The following NEK10 variants were observed in gnomAD, a reference collection of about 807,000 sequenced individuals.
The protein encoded by NEK10 is NIMA related kinase 10, also known as serine/threonine-protein kinase Nek10.
Under a neutral mutation model 159.8 loss-of-function variants are expected in NEK10, and 122 were observed. The observed-to-expected ratio is 0.76, with a 90% confidence interval of 0.66 to 0.89. The LOEUF (loss-of-function observed/expected upper bound fraction) is 0.89. NEK10 is among the 40% of genes least tolerant of loss of function. The pLI is 0.00. For missense variants in NEK10, 1,342 were observed against 1,323.1 expected, an observed-to-expected ratio of 1.01 and a Z score of -0.22; for synonymous variants, 466 against 457.1, an observed-to-expected ratio of 1.02 and a Z score of -0.25.
chr3:27,360,086 T>C (rs2048577294), intron 1 of NEK10, among the ~76,000 whole-genome samples: 1 of 152,218 alleles, frequency 6.6e-6, no homozygotes, highest in Non-Finnish European at 1.5e-5. Flanking sequence ...TAATACCCAT[T>C]ACAGTTTAAA....
chr3:27,156,406 A>C (rs1945423692), intron 30 of NEK10, among the ~76,000 whole-genome samples: 1 of 152,182 alleles, frequency 6.6e-6, no homozygotes, highest in Admixed American at 6.5e-5. Context: ...TATAAATGTG[A>C]CAAAGGACTA....
At chr3:27,207,192 T>C (rs182382612) in intron 23 of NEK10, among the ~76,000 whole-genome samples, 4 of 152,342 alleles carry the variant, frequency 2.6e-5, no homozygotes, top group Admixed American at 2.6e-4. Context: ...ACATTAGCAG[T>C]TAAATTTATC....
intron 29 of NEK10, among the ~76,000 whole-genome samples, chr3:27,171,279 C>A (rs1946958417): frequency 6.6e-6 from 1 of 152,174 alleles, no homozygotes; most frequent in South Asian, 2.1e-4. Context: ...ACATATTTCA[C>A]CATCCCTTGC....
At chr3:27,195,426 T>C (rs1949477664) in intron 25 of NEK10, among the ~76,000 whole-genome samples, 2 of 152,240 alleles carry the variant, frequency 1.3e-5, no homozygotes, top group Non-Finnish European at 2.9e-5. Flanking sequence ...CATGATTGAT[T>C]TCAGTTTTAA....
chr3:27,264,594 C>A (rs558158471), intron 22 of NEK10, among the ~76,000 whole-genome samples: 6 of 152,144 alleles, frequency 3.9e-5, no homozygotes, highest in African/African-American at 1.4e-4. Context: ...AAATAATTTT[C>A]AAATAAAAAT....
intron 15 of NEK10, among the ~76,000 whole-genome samples, chr3:27,295,327 A>T (rs2043281363): frequency 6.6e-6 from 1 of 152,230 alleles, no homozygotes; most frequent in African/African-American, 2.4e-5. Context: ...ATATTCTGAT[A>T]CATAAGGAAT....
intron 30 of NEK10, among the ~76,000 whole-genome samples, chr3:27,150,840 A>G (rs1210100477): frequency 6.6e-6 from 1 of 152,174 alleles, no homozygotes; most frequent in East Asian, 1.9e-4. Flanking sequence ...CCCAGAAAGG[A>G]TTCACTATTC....
intron 16 of NEK10, 23 bp from the exon 17 acceptor site, chr3:27,291,609 T>C (rs769655255): frequency 3.9e-6 from 5 of 1,294,154 alleles, no homozygotes; most frequent in Non-Finnish European, 5.6e-6. Flanking sequence ...TTACACACAC[T>C]TAAAGTAGAA....
At chr3:27,333,690 T>G (rs943723573) in intron 5 of NEK10, among the ~76,000 whole-genome samples, 2 of 148,790 alleles carry the variant, frequency 1.3e-5, no homozygotes, top group Non-Finnish European at 3.0e-5. Flanking sequence ...CATACCCAGG[T>G]AGGAGGCATG....
rs1400152393 is a variant in NEK10 at position 27,202,569 on chromosome 3, T to A, written c.2091-12A>T. 1.3e-6 allele frequency: 2 copies of A among 1,592,148 alleles called. No homozygotes were observed. The highest frequency in any genetic ancestry group is 1.7e-6 in the Non-Finnish European group (2 of 1,167,030). On this transcript the variant is annotated splice_polypyrimidine_tract_variant and intron_variant, in intron 23 of 35. Coordinates refer to ENST00000691995, the MANE Select transcript of NEK10 (RefSeq NM_001394966.1). Reference sequence around the variant, plus strand: ...TCAGTACCTCGGGGCTGAAGTAAAATAAGGACATTAATACATGCTAAGGAA... The same window carrying A: ...TCAGTACCTCGGGGCTGAAGTAAAAAAAGGACATTAATACATGCTAAGGAA...
chr3:27,252,478 T>A (rs1955767853), intron 23 of NEK10, among the ~76,000 whole-genome samples: 1 of 152,240 alleles, frequency 6.6e-6, no homozygotes, highest in Admixed American at 6.5e-5. Context: ...TAATATGTTA[T>A]TTCCACTAAT....
At chr3:27,230,874 A>G (rs1004920692) in intron 23 of NEK10, among the ~76,000 whole-genome samples, 10 of 152,016 alleles carry the variant, frequency 6.6e-5, no homozygotes, top group African/African-American at 2.4e-4. Context: ...TTATAAAACA[A>G]TTACTACCAG....
At chr3:27,312,752 G>C (rs1420180456) in intron 7 of NEK10, among the ~76,000 whole-genome samples, 1 of 152,024 alleles carries the variant, frequency 6.6e-6, no homozygotes, top group East Asian at 1.9e-4. Flanking sequence ...AAGTTAAAAT[G>C]GATAAGAAGA....
chr3:27,165,638 T>C (rs1946406260), intron 29 of NEK10, among the ~76,000 whole-genome samples: 1 of 152,192 alleles, frequency 6.6e-6, no homozygotes, highest in Non-Finnish European at 1.5e-5. Context: ...GAAAGAATTC[T>C]AAAAGGCCAT....
chr3:27,301,053 C>T (rs758706742), intron 13 of NEK10, among the ~76,000 whole-genome samples: 1 of 152,160 alleles, frequency 6.6e-6, no homozygotes, highest in Non-Finnish European at 1.5e-5. Context: ...CTCTCTGCTC[C>T]CTTTCTGTGG....
chr3:27,298,779 T>TC (rs1167718551), intron 13 of NEK10, among the ~76,000 whole-genome samples: 38 of 152,204 alleles, frequency 2.5e-4, no homozygotes, highest in Non-Finnish European at 2.6e-4. Context: ...CCAAGGTGAC[T>TC]CTTGCTATGT....
chr3:27,309,912 T>C (rs1177580412), intron 9 of NEK10: 1 of 152,146 alleles, frequency 6.6e-6, no homozygotes, highest in Non-Finnish European at 1.5e-5. Context: ...TAGCTGGAAG[T>C]CTGTAGCTTG....
At chr3:27,352,748 C>T in intron 2 of NEK10, 64 bp downstream of exon 2, 4 of 1,128,668 alleles carry the variant, frequency 3.5e-6, no homozygotes, top group Non-Finnish European at 5.4e-6. Flanking sequence ...CTCAAAAAGC[C>T]ATTAAATCTG....
intron 32 of NEK10, among the ~76,000 whole-genome samples, chr3:27,123,956 G>A (rs1257941438): frequency 6.6e-6 from 1 of 151,966 alleles, no homozygotes; most frequent in Admixed American, 6.6e-5. Flanking sequence ...GAACAGAAGG[G>A]CAGGAGTTAG....
Sources: allele counts gnomAD v4.1 joint callset (sites outside exome capture counted in the v4.1 genomes callset), GRCh38; gene constraint gnomAD v4.1.1; transcripts MANE v1.5; gene names NCBI Gene and HGNC (gene_info 2026-07-23, HGNC 2026-07-21).